Variants in NBAS observed in about 807,000 individuals in gnomAD.
NBAS encodes the protein NAG/BC035112 fusion.
NBAS carries 219 observed loss-of-function variants against 302.5 expected under a neutral mutation model. The ratio of observed to expected loss-of-function variants is 0.72; its 90% confidence interval spans 0.65 to 0.81. The LOEUF is 0.81. Among genes scored for constraint, NBAS ranks in the 30% least tolerant of loss-of-function variants. The probability of loss-of-function intolerance (pLI) is 0.00; values close to 1 mark genes in which losing one functional copy is unlikely to be tolerated. For synonymous variants in NBAS, 1,118 were observed against 1,021.6 expected (o/e 1.09, Z -1.80); for missense variants, 2,932 against 2,841.6 (o/e 1.03, Z -0.72).
chr2:15,257,505 G>A (rs1668656471), intron 44 of NBAS, among the ~76,000 whole-genome samples: 2 of 150,424 alleles, frequency 1.3e-5, no homozygotes, highest in South Asian at 4.2e-4. Flanking sequence ...AGATTCTCCT[G>A]CCTCAGCCTC....
intron 48 of NBAS, among the ~76,000 whole-genome samples, chr2:15,217,023 T>G (rs1221752856): frequency 3.9e-5 from 6 of 152,216 alleles, no homozygotes; most frequent in African/African-American, 1.4e-4. Flanking sequence ...TTTAGGGTTT[T>G]CCCCAGGGAT....
intron 28 of NBAS, 66 bp from the exon 29 acceptor site, chr2:15,383,383 T>C: frequency 6.6e-7 from 1 of 1,504,112 alleles, no homozygotes; most frequent in Non-Finnish European, 9.2e-7. Flanking sequence ...TTTCTTCAAA[T>C]GATCTAAAGT....
intron 48 of NBAS, among the ~76,000 whole-genome samples, chr2:15,215,243 T>C (rs927766149): frequency 2.6e-5 from 4 of 152,190 alleles, no homozygotes; most frequent in African/African-American, 9.7e-5. Context: ...TGAAGGCCTC[T>C]GAATTTTTAA....
chr2:15,187,419 G>A (rs1665140492), intron 49 of NBAS, among the ~76,000 whole-genome samples: 2 of 152,014 alleles, frequency 1.3e-5, no homozygotes, highest in South Asian at 2.1e-4. Context: ...ATTGTAATGG[G>A]GTCAGGGCAG....
chr2:15,314,320 C>T (rs1354736492), intron 38 of NBAS, among the ~76,000 whole-genome samples: 4 of 152,150 alleles, frequency 2.6e-5, no homozygotes, highest in African/African-American at 7.2e-5. Flanking sequence ...AAGATCACAC[C>T]GCTGCACTCC....
the NBAS span, among the ~76,000 whole-genome samples, chr2:15,025,899 T>A: frequency 2.0e-5 from 3 of 152,196 alleles, no homozygotes; most frequent in African/African-American, 7.2e-5. Context: ...CAGAATCATG[T>A]CATCTGCAAA....
chr2:15,232,854 T>G (rs1667438115), intron 46 of NBAS, among the ~76,000 whole-genome samples: 1 of 143,004 alleles, frequency 7.0e-6, no homozygotes, highest in South Asian at 2.3e-4. Context: ...ATCCTCCAGT[T>G]GAAGTTTTTT....
chr2:14,791,533 G>C, the NBAS span, among the ~76,000 whole-genome samples: 2 of 152,152 alleles, frequency 1.3e-5, no homozygotes, highest in African/African-American at 4.8e-5. Context: ...GTTGGGAACA[G>C]TGGTTCACGC....
At chr2:15,305,794 T>C (rs930718625) in intron 40 of NBAS, among the ~76,000 whole-genome samples, 2 of 152,174 alleles carry the variant, frequency 1.3e-5, no homozygotes, top group Admixed American at 6.5e-5. Flanking sequence ...ATAGTGGCCT[T>C]CCAATCTTAT....
At chr2:14,958,847 G>T in the NBAS span, among the ~76,000 whole-genome samples, 1 of 152,016 alleles carries the variant, frequency 6.6e-6, no homozygotes, top group African/African-American at 2.4e-5. Flanking sequence ...ATAAAAATAG[G>T]GGCTCTATAA....
At chr2:15,402,426 AT>A (rs1452321557) in intron 25 of NBAS, 125 bp from the exon 26 acceptor site, 11 of 925,626 alleles carry the variant, frequency 1.2e-5, no homozygotes, top group Non-Finnish European at 1.7e-5. Flanking sequence ...ACAAGTCTTG[AT>A]TTTTCTTTAT....
At chr2:15,353,784 G>T in intron 33 of NBAS, 74 bp from the exon 34 acceptor site, 1 of 1,591,276 alleles carries the variant, frequency 6.3e-7, no homozygotes, top group Non-Finnish European at 8.6e-7. Flanking sequence ...AAATGCAATG[G>T]CTTCCTGCTC....
At chr2:15,200,834 C>G (rs1665841033) in intron 48 of NBAS, among the ~76,000 whole-genome samples, 1 of 152,136 alleles carries the variant, frequency 6.6e-6, no homozygotes, top group Non-Finnish European at 1.5e-5. Context: ...GTCTTAACCT[C>G]AAATTTCTCT....
chr2:15,079,250 A>C, the NBAS span, among the ~76,000 whole-genome samples: 2 of 152,158 alleles, frequency 1.3e-5, no homozygotes, highest in South Asian at 4.1e-4. Flanking sequence ...CTGGGATGAA[A>C]TAAGAAACCT....
chr2:15,102,199 T>C, the NBAS span, among the ~76,000 whole-genome samples: 1 of 152,136 alleles, frequency 6.6e-6, no homozygotes, highest in South Asian at 2.1e-4. Context: ...CTCAAAATCA[T>C]GAGAGAAGAC....
rs533837782 is a variant in NBAS at position 15,174,007 on chromosome 2, A to C, written c.6840+4981T>G. Among the ~76,000 whole-genome samples, 11 of 152,326 alleles carry C rather than the reference A, an allele frequency of 7.2e-5. No individual in the cohort carries two copies. In the South Asian group the frequency reaches 1.2e-3, roughly 17 times the overall value. On this transcript the variant is annotated intron_variant, in intron 51 of 51. Transcript: ENST00000281513. ...ATGCTTGATATGTCTGTTCATACCA[A>C]GTAAATTAACCAACCACTAGTGCTG...
At chr2:15,143,484 T>G in the NBAS span, among the ~76,000 whole-genome samples, 2 of 152,056 alleles carry the variant, frequency 1.3e-5, no homozygotes, top group Non-Finnish European at 2.9e-5. Flanking sequence ...CACAAACAAC[T>G]TAGAAACAAG....
At chr2:15,366,437 C>A in intron 32 of NBAS, 143 bp downstream of exon 32, 1 of 790,578 alleles carries the variant, frequency 1.3e-6, no homozygotes, top group Non-Finnish European at 2.2e-6. Context: ...CACTGCACTC[C>A]AGCCTGAGCA....
At chr2:14,836,232 C>T in the NBAS span, among the ~76,000 whole-genome samples, 12 of 151,838 alleles carry the variant, frequency 7.9e-5, 1 homozygote, top group East Asian at 2.1e-3. Flanking sequence ...CTATAAATAG[C>T]TTTTGTTTTG....
Sources: allele counts gnomAD v4.1 joint callset (sites outside exome capture counted in the v4.1 genomes callset), GRCh38; gene constraint gnomAD v4.1.1; transcripts MANE v1.5; gene names NCBI Gene and HGNC (gene_info 2026-07-23, HGNC 2026-07-21).